Variants in ADAMTS6 observed in about 807,000 individuals in gnomAD.
The protein encoded by ADAMTS6 is ADAM metallopeptidase with thrombospondin type 1 motif 6.
ADAMTS6 carries 23 observed loss-of-function variants against 144.3 expected under a neutral mutation model. That is an observed-to-expected ratio of 0.16 (90% CI 0.11 to 0.23). ADAMTS6 has a LOEUF of 0.23. Among genes scored for constraint, ADAMTS6 ranks in the 10% least tolerant of loss-of-function variants. ADAMTS6 has a pLI of 1.00. For missense variants in ADAMTS6, 999 were observed against 1,379.6 expected, an observed-to-expected ratio of 0.72 and a Z score of 4.37; for synonymous variants, 444 against 457.5, an observed-to-expected ratio of 0.97 and a Z score of 0.38.
chr5:65,210,705 C>A, intron 20 of ADAMTS6: 1 of 646,322 alleles, frequency 1.5e-6, no homozygotes, highest in South Asian at 1.5e-5. Flanking sequence ...TGGAAGTACA[C>A]CAGAAGCACA....
At chr5:65,201,302 T>C (rs1040982163) in intron 20 of ADAMTS6, among the ~76,000 whole-genome samples, 1 of 151,886 alleles carries the variant, frequency 6.6e-6, no homozygotes, top group Admixed American at 6.6e-5. Context: ...CTCCTCTTAT[T>C]AGCTGCCCAA....
At chr5:65,177,579 C>T (rs1754057739) in intron 22 of ADAMTS6, among the ~76,000 whole-genome samples, 1 of 152,146 alleles carries the variant, frequency 6.6e-6, no homozygotes, top group Non-Finnish European at 1.5e-5. Context: ...TGTAGTTGGT[C>T]CAACATTCTG....
chr5:65,292,069 A>G (rs985853338), intron 10 of ADAMTS6, among the ~76,000 whole-genome samples: 23 of 152,152 alleles, frequency 1.5e-4, no homozygotes, highest in Admixed American at 1.5e-3. Flanking sequence ...TAGAATCATC[A>G]GAATTGGAAA....
At chr5:65,265,220 TATC>T (rs1322834840) in intron 12 of ADAMTS6, among the ~76,000 whole-genome samples, 5 of 151,996 alleles carry the variant, frequency 3.3e-5, no homozygotes, top group African/African-American at 1.2e-4. Flanking sequence ...CAATAAAAAT[TATC>T]ATGAAGAAAA....
chr5:65,245,884 C>T (rs902618935), intron 14 of ADAMTS6, among the ~76,000 whole-genome samples: 10 of 152,038 alleles, frequency 6.6e-5, no homozygotes, highest in African/African-American at 2.2e-4. Flanking sequence ...AAGATTTGGC[C>T]TGAGAGGTAC....
chr5:65,275,360 AAAGAAAGAAAG>A (rs1280269420), intron 11 of ADAMTS6, among the ~76,000 whole-genome samples: 1 of 41,764 alleles, frequency 2.4e-5, no homozygotes, highest in Non-Finnish European at 5.6e-5. Flanking sequence ...GAAGAGAAAG[AAAGAAAGAAAG>A]AAAGAAAGAA....
At chr5:65,481,106 T>TC (rs1761165812) in intron 1 of ADAMTS6, among the ~76,000 whole-genome samples, 1 of 151,666 alleles carries the variant, frequency 6.6e-6, no homozygotes, top group Non-Finnish European at 1.5e-5. Flanking sequence ...CGTATTTTTT[T>TC]TGCATCATAA....
chr5:65,440,079 A>G (rs1031725671), intron 7 of ADAMTS6, among the ~76,000 whole-genome samples: 22 of 152,202 alleles, frequency 1.4e-4, no homozygotes, highest in Non-Finnish European at 2.9e-4. Context: ...AAGTGCTGGG[A>G]TTACAGGCGT....
intron 15 of ADAMTS6, among the ~76,000 whole-genome samples, chr5:65,233,769 G>T (rs1039633477): frequency 3.9e-5 from 6 of 152,062 alleles, no homozygotes; most frequent in African/African-American, 1.4e-4. Flanking sequence ...CACAAAAATA[G>T]AAAAAGCAAT....
At chr5:65,257,634 C>G (rs924923576) in intron 14 of ADAMTS6, among the ~76,000 whole-genome samples, 1 of 152,190 alleles carries the variant, frequency 6.6e-6, no homozygotes, top group Admixed American at 6.5e-5. Flanking sequence ...GAGGCTCTTT[C>G]AATGGTTTCA....
intron 1 of ADAMTS6, among the ~76,000 whole-genome samples, chr5:65,479,592 CAT>C (rs1436321037): frequency 1.3e-5 from 2 of 152,180 alleles, no homozygotes; most frequent in East Asian, 1.9e-4. Flanking sequence ...ACCCCCAACA[CAT>C]ATTCCAAATA....
chr5:65,167,961 T>G (rs1331877638), intron 24 of ADAMTS6, among the ~76,000 whole-genome samples: 3 of 120,612 alleles, frequency 2.5e-5, no homozygotes, highest in Non-Finnish European at 5.1e-5. Context: ...GCATTCCCTT[T>G]GAAAACTGGC....
intron 7 of ADAMTS6, among the ~76,000 whole-genome samples, chr5:65,351,455 G>A (rs1445680303): frequency 6.6e-6 from 1 of 152,118 alleles, no homozygotes; most frequent in African/African-American, 2.4e-5. Context: ...TGAAAATCTT[G>A]GGGAATCACA....
At chr5:65,291,244 C>T (rs1352842779) in intron 11 of ADAMTS6, 85 bp downstream of exon 11, 6 of 1,469,522 alleles carry the variant, frequency 4.1e-6, no homozygotes, top group Admixed American at 2.2e-5. Flanking sequence ...TAGAGGGAAC[C>T]GACATTCATC....
intron 9 of ADAMTS6, among the ~76,000 whole-genome samples, chr5:65,305,768 A>T (rs1279021318): frequency 5.3e-5 from 8 of 152,126 alleles, no homozygotes; most frequent in South Asian, 4.1e-4. Context: ...GGACACACAC[A>T]CACATATGCA....
At chr5:65,399,364 T>A (rs1281138247) in intron 7 of ADAMTS6, among the ~76,000 whole-genome samples, 1 of 152,216 alleles carries the variant, frequency 6.6e-6, no homozygotes, top group East Asian at 1.9e-4. Flanking sequence ...AGCATTGATA[T>A]TCACAATATT....
At chr5:65,456,186 A>G (rs1759184583) in intron 4 of ADAMTS6, among the ~76,000 whole-genome samples, 1 of 152,118 alleles carries the variant, frequency 6.6e-6, no homozygotes, top group South Asian at 2.1e-4. Flanking sequence ...AAGCTTAATG[A>G]TCTGTAACTA....
chr5:65,308,486 A>G (rs1202538841), intron 9 of ADAMTS6, among the ~76,000 whole-genome samples: 1 of 152,010 alleles, frequency 6.6e-6, no homozygotes, highest in Admixed American at 6.5e-5. Context: ...AATTTTTTTC[A>G]TATGCAAGTA....
At chr5:65,302,133 C>A (rs1237764030) in intron 9 of ADAMTS6, among the ~76,000 whole-genome samples, 2 of 139,608 alleles carry the variant, frequency 1.4e-5, no homozygotes, top group East Asian at 2.0e-4. Flanking sequence ...TATATATGCA[C>A]ATATAATATA....
Sources: allele counts gnomAD v4.1 joint callset (sites outside exome capture counted in the v4.1 genomes callset), GRCh38; gene constraint gnomAD v4.1.1; transcripts MANE v1.5; gene names NCBI Gene and HGNC (gene_info 2026-07-23, HGNC 2026-07-21).